The following GMDS variants were observed in gnomAD, a reference collection of about 807,000 sequenced individuals.
The protein encoded by GMDS is GDP-mannose 4,6-dehydratase.
A neutral mutation model predicts 49.9 loss-of-function variants in GMDS; 20 were observed. The observed-to-expected ratio is 0.40, with a 90% CI of 0.28 to 0.58. The LOEUF is 0.58. Ranked by LOEUF, GMDS falls within the 20% of genes least tolerant of loss-of-function variation. GMDS has a pLI of 0.42. For missense variants in GMDS, 362 were observed against 481.4 expected (o/e 0.75, Z 2.32); for synonymous variants, 177 against 178.6 (o/e 0.99, Z 0.07).
chr6:1,906,399 C>T (rs1240548363), intron 7 of GMDS, among the ~76,000 whole-genome samples: 1 of 152,196 alleles, frequency 6.6e-6, no homozygotes, highest in African/African-American at 2.4e-5. Context: ...ATTTAGCCCA[C>T]ACCAAAACAC....
intron 7 of GMDS, among the ~76,000 whole-genome samples, chr6:1,925,725 G>A (rs2113914922): frequency 6.6e-6 from 1 of 152,312 alleles, no homozygotes; most frequent in Non-Finnish European, 1.5e-5. Context: ...GAGGGGCAGG[G>A]AAGTGCCGGG....
At chr6:2,145,528 ACT>A (rs1333241851) in intron 1 of GMDS, among the ~76,000 whole-genome samples, 4 of 143,988 alleles carry the variant, frequency 2.8e-5, no homozygotes, top group Non-Finnish European at 4.6e-5. Context: ...ACAGAGTGAG[ACT>A]CTGTCTCAAA....
At chr6:1,843,404 AT>A (rs1757233434) in intron 7 of GMDS, among the ~76,000 whole-genome samples, 1 of 152,318 alleles carries the variant, frequency 6.6e-6, no homozygotes, top group East Asian at 1.9e-4. Flanking sequence ...AAGAAGCTAC[AT>A]CAATGTACAG....
chr6:1,737,727 A>AAC (rs371454063), intron 8 of GMDS, among the ~76,000 whole-genome samples: 23 of 137,852 alleles, frequency 1.7e-4, no homozygotes, highest in African/African-American at 4.9e-4. Context: ...ACACACCACA[A>AAC]ACACACACAC....
At chr6:2,182,120 G>A (rs1778573397) in intron 1 of GMDS, among the ~76,000 whole-genome samples, 2 of 152,246 alleles carry the variant, frequency 1.3e-5, no homozygotes, top group African/African-American at 4.8e-5. Context: ...CTGAATGGAA[G>A]ATCAAACTAG....
intron 7 of GMDS, among the ~76,000 whole-genome samples, chr6:1,850,219 A>G (rs1308304347): frequency 6.6e-6 from 1 of 152,182 alleles, no homozygotes; most frequent in Non-Finnish European, 1.5e-5. Flanking sequence ...TCGGATGTAA[A>G]TACATTCCTA....
chr6:1,969,949 T>C (rs1012682873), intron 4 of GMDS, among the ~76,000 whole-genome samples: 6 of 152,210 alleles, frequency 3.9e-5, no homozygotes, highest in African/African-American at 1.4e-4. Flanking sequence ...CTCAGGAATA[T>C]TACTTGAATA....
At chr6:1,807,031 A>G (rs1300372333) in intron 7 of GMDS, among the ~76,000 whole-genome samples, 2 of 152,152 alleles carry the variant, frequency 1.3e-5, no homozygotes, top group Non-Finnish European at 2.9e-5. Flanking sequence ...TGCTTTGAAA[A>G]AGCATTTTCA....
chr6:2,217,397 T>C (rs887478437), intron 1 of GMDS, among the ~76,000 whole-genome samples: 38 of 152,174 alleles, frequency 2.5e-4, no homozygotes, highest in African/African-American at 8.7e-4. Context: ...TTAATATTTA[T>C]ATAGTAAAAT....
At chr6:1,730,003 T>C (rs1561763182) in intron 8 of GMDS, among the ~76,000 whole-genome samples, 1 of 151,942 alleles carries the variant, frequency 6.6e-6, no homozygotes, top group African/African-American at 2.4e-5. Flanking sequence ...AACAACACAC[T>C]CCTTGTAGTG....
At chr6:1,753,116 C>T (rs996969951) in intron 7 of GMDS, among the ~76,000 whole-genome samples, 8 of 152,216 alleles carry the variant, frequency 5.3e-5, no homozygotes, top group African/African-American at 1.2e-4. Context: ...CAAGACCCAT[C>T]GGTGTGCTGT....
chr6:2,204,743 T>A (rs1488328386), intron 1 of GMDS, among the ~76,000 whole-genome samples: 1 of 152,204 alleles, frequency 6.6e-6, no homozygotes, highest in Admixed American at 6.5e-5. Context: ...GTTACCTTTA[T>A]CACTGATGGT....
chr6:1,631,422 A>T (rs1762996798), intron 9 of GMDS, among the ~76,000 whole-genome samples: 2 of 152,252 alleles, frequency 1.3e-5, no homozygotes, highest in South Asian at 4.2e-4. Flanking sequence ...TGAATTGCAT[A>T]AGAGGAAGGT....
chr6:1,776,609 G>A (rs566357026), intron 7 of GMDS, among the ~76,000 whole-genome samples: 2 of 152,246 alleles, frequency 1.3e-5, no homozygotes, highest in South Asian at 4.1e-4. Context: ...GAGCCCAGGA[G>A]TTGGAGGCTG....
intron 5 of GMDS, among the ~76,000 whole-genome samples, chr6:1,960,528 T>C (rs999821136): frequency 1.3e-5 from 2 of 152,210 alleles, no homozygotes; most frequent in Admixed American, 6.5e-5. Context: ...AAGGGCTGAA[T>C]GAACATGGGT....
intron 7 of GMDS, among the ~76,000 whole-genome samples, chr6:1,764,484 T>C (rs1167799687): frequency 6.6e-6 from 1 of 152,202 alleles, no homozygotes; most frequent in Admixed American, 6.5e-5. Context: ...AACTTACTCA[T>C]TTCACCCTTG....
At chr6:1,784,523 G>A (rs544481381) in intron 7 of GMDS, among the ~76,000 whole-genome samples, 1 of 152,204 alleles carries the variant, frequency 6.6e-6, no homozygotes, top group South Asian at 2.1e-4. Flanking sequence ...AGCCAGAGGG[G>A]AGAGAGGAGA....
At position 1,962,469 on chromosome 6, in the gene GMDS, C is replaced by T. The variant is rs938316085; in HGVS notation, c.346-1503G>A. ...CTATATTTAACATTTTGAAGAACTACCAGACCATTTTCCAAAATGCCTGCG... is the reference window on the plus strand; with the variant it reads ...CTATATTTAACATTTTGAAGAACTATCAGACCATTTTCCAAAATGCCTGCG... On this transcript the variant is annotated intron_variant, in intron 4 of 10. Coordinates refer to ENST00000380815, the MANE Select transcript of GMDS (RefSeq NM_001500.4). Among the ~76,000 whole-genome samples the T allele has an allele frequency of 7.2e-5, 11 of 152,286 alleles. No homozygotes were observed. In the Middle Eastern group the frequency reaches 0.01, roughly 141 times the overall value.
Position 1,778,874 on chromosome 6 carries a change from G to T in GMDS, c.772-36288C>A, listed in dbSNP as rs536120912. ...TTTTTTTCTCTTATAGCAGAAATAC[G>T]CCTGAAAATGTTTTTCCAACCCCAA... On this transcript the variant is annotated intron_variant, in intron 7 of 10. Transcript: ENST00000380815. This position sits in a 1 kb window ranked among gnomAD's most constrained non-coding sequence, Gnocchi z 4.6. Among the ~76,000 whole-genome samples the T allele has an allele frequency of 4.0e-5, 6 of 151,610 alleles. No individual in the cohort carries two copies. Among genetic ancestry groups the T allele is most frequent in the African/African-American group, 1.5e-4 (6 of 41,246 alleles).
Sources: gnomAD v4.1 joint callset for allele counts (sites outside exome capture counted in the v4.1 genomes callset) on GRCh38, gnomAD v4.1.1 for gene constraint, Gnocchi (gnomAD v3.1) non-coding constraint, MANE v1.5 for transcripts, NCBI Gene and HGNC (gene_info 2026-07-23, HGNC 2026-07-21) for gene names.